LVRN: variants seen among roughly 807,000 people sequenced by gnomAD.
LVRN encodes the protein aminopeptidase Q.
A neutral mutation model predicts 111.4 loss-of-function variants in LVRN; 99 were observed. The observed-to-expected ratio is 0.89, with a 90% CI of 0.76 to 1.05. The LOEUF (loss-of-function observed/expected upper bound fraction) is 1.05, where lower values mean the gene tolerates loss of function less well. LVRN is among the 50% of genes least tolerant of loss of function. The pLI, the probability that LVRN is intolerant of heterozygous loss-of-function variation, is 0.00. For synonymous variants in LVRN, 488 were observed against 449.5 expected (o/e 1.09, Z -1.08); for missense variants, 1,414 against 1,206.8 (o/e 1.17, Z -2.54).
At chr5:116,025,393 CTT>C in intron 19 of LVRN, among the ~76,000 whole-genome samples, 1 of 152,260 alleles carries the variant, frequency 6.6e-6, no homozygotes, top group African/African-American at 2.4e-5. Flanking sequence ...ATTGAAAAAA[CTT>C]ATAACTTATT....
In LVRN at chr5:116,006,264, G is replaced by C. The variant is rs566299805; in HGVS notation, c.2093+297G>C. On this transcript the variant is annotated intron_variant, in intron 13 of 19. Coordinates refer to ENST00000357872, the MANE Select transcript of LVRN (RefSeq NM_173800.5). ...AGAATTATTTATTTTATTTATATTA[G>C]ATTTACTCAGTGTAAGATATGCTGC... Among the ~76,000 whole-genome samples, 55 of 152,040 alleles carry C rather than the reference G, an allele frequency of 3.6e-4. No individual in the cohort carries two copies. The South Asian group carries it at 0.011, about 31-fold the overall frequency.
At chr5:116,005,526 T>G (rs1748343051) in intron 12 of LVRN, among the ~76,000 whole-genome samples, 2 of 152,370 alleles carry the variant, frequency 1.3e-5, no homozygotes, top group African/African-American at 4.8e-5. Flanking sequence ...TAATATTTAT[T>G]TAAGGGCTTC....
At chr5:115,974,350 C>T (rs7712233) in intron 1 of LVRN, among the ~76,000 whole-genome samples, 2 of 151,932 alleles carry the variant, frequency 1.3e-5, no homozygotes, top group Non-Finnish European at 2.9e-5. Context: ...ATAGTAAAAG[C>T]GTAACACCTA....
At chr5:116,002,710 T>C in intron 10 of LVRN, 125 bp from the exon 11 acceptor site, 2 of 679,606 alleles carry the variant, frequency 2.9e-6, no homozygotes, top group Non-Finnish European at 4.9e-6. Context: ...AAGGCCTGCA[T>C]ATCTAGAGAG....
At chr5:116,025,590 A>G (rs1408410132) in intron 19 of LVRN, among the ~76,000 whole-genome samples, 1 of 152,218 alleles carries the variant, frequency 6.6e-6, no homozygotes, top group African/African-American at 2.4e-5. Context: ...TTATGTACCA[A>G]TTTTGAGCTT....
In LVRN at chr5:115,965,600, G is replaced by A. The variant is rs545064405; in HGVS notation, c.695+2288G>A. ...TCATATGGTTTTGTTGTGTCCCCACGCAAATCTCATCTTGAATTGTAGTTC... is the reference window on the plus strand; with the variant it reads ...TCATATGGTTTTGTTGTGTCCCCACACAAATCTCATCTTGAATTGTAGTTC... On this transcript the variant is annotated intron_variant, in intron 1 of 19. Coordinates refer to ENST00000357872, the MANE Select transcript of LVRN (RefSeq NM_173800.5). Among the ~76,000 whole-genome samples, 6 of 152,176 alleles carry A rather than the reference G, an allele frequency of 3.9e-5. No homozygotes were observed. In the South Asian group the frequency reaches 8.3e-4, roughly 21 times the overall value.
chr5:115,992,881 T>G (rs748696086), intron 5 of LVRN, among the ~76,000 whole-genome samples: 1 of 152,230 alleles, frequency 6.6e-6, no homozygotes, highest in Non-Finnish European at 1.5e-5. Context: ...TCTGCACCAT[T>G]AATACAAGTC....
chr5:115,998,187 A>T (rs1376618323), intron 6 of LVRN, among the ~76,000 whole-genome samples: 1 of 152,212 alleles, frequency 6.6e-6, no homozygotes, highest in Non-Finnish European at 1.5e-5. Context: ...CTATGTATTT[A>T]TATATTTTAA....
intron 9 of LVRN, 47 bp from the exon 10 acceptor site, chr5:116,001,020 G>C (rs767897971): frequency 6.5e-7 from 1 of 1,543,890 alleles, no homozygotes; most frequent in East Asian, 2.3e-5. Flanking sequence ...ACTTCAAAAT[G>C]TTTCACGGAT....
At chr5:116,005,838 T>C in intron 12 of LVRN, 74 bp from the exon 13 acceptor site, 1 of 1,257,938 alleles carries the variant, frequency 7.9e-7, no homozygotes, top group East Asian at 2.3e-5. Context: ...AATCTTTAAA[T>C]TGTTGTTATT....
intron 4 of LVRN, among the ~76,000 whole-genome samples, chr5:115,989,831 A>T (rs1490829711): frequency 6.6e-6 from 1 of 152,172 alleles, no homozygotes; most frequent in Admixed American, 6.6e-5. Context: ...TAAGATAAAG[A>T]GTTCCTCTAT....
intron 3 of LVRN, among the ~76,000 whole-genome samples, chr5:115,986,896 C>G (rs547364057): frequency 1.3e-5 from 2 of 152,206 alleles, no homozygotes; most frequent in South Asian, 2.1e-4. Context: ...TTTTGCAGAG[C>G]GTTCTTTCTT....
chr5:115,996,457 T>C (rs1423399656), intron 6 of LVRN, among the ~76,000 whole-genome samples: 1 of 152,226 alleles, frequency 6.6e-6, no homozygotes, highest in East Asian at 1.9e-4. Context: ...TCTTGGCAAC[T>C]GAGGACATTG....
chr5:115,992,053 T>C, intron 4 of LVRN, 70 bp from the exon 5 acceptor site: 1 of 1,435,362 alleles, frequency 7.0e-7, no homozygotes. Context: ...GATTTCATTT[T>C]GAGATATTTA....
intron 9 of LVRN, 85 bp from the exon 10 acceptor site, chr5:116,000,982 G>A (rs77885770): frequency 7.0e-7 from 1 of 1,434,158 alleles, no homozygotes; most frequent in African/African-American, 1.4e-5. Flanking sequence ...GAAGAGAATA[G>A]CTACCGAGTT....
At position 116,003,375 on chromosome 5, in the gene LVRN, C is replaced by A; in HGVS notation, c.2032C>A (p.Pro678Thr). The A allele has an allele frequency of 6.9e-7, 1 of 1,443,044 alleles. No individual in the cohort carries two copies. Among genetic ancestry groups the A allele is most frequent in the South Asian group, 1.3e-5 (1 of 75,098 alleles). 89.4% of individuals were successfully genotyped at this position (1,443,044 alleles called of 1,614,324 possible). ...KKLNQQLEKDPKAIPVIHRLQ... is the reference protein window; with the variant it reads ...KKLNQQLEKDTKAIPVIHRLQ... ...ACTAAATCAACAACTTGAAAAGGATCCTAAGGTAAGGTTACTTTTGATACT... is the reference window on the plus strand; with the variant it reads ...ACTAAATCAACAACTTGAAAAGGATACTAAGGTAAGGTTACTTTTGATACT... Residue 678 changes from proline (P) to threonine (T), a missense_variant, in exon 12 of 20, where the codon CCT (proline) becomes ACT (threonine). Physicochemically the swap from Pro to Thr is conservative, Grantham distance 38. Transcript: ENST00000357872.
chr5:116,010,078 C>A (rs1199551919), intron 13 of LVRN, among the ~76,000 whole-genome samples: 1 of 152,222 alleles, frequency 6.6e-6, no homozygotes, highest in Non-Finnish European at 1.5e-5. Context: ...TCAGCTTCAG[C>A]AACCACCACC....
At chr5:116,022,888 C>T (rs1748761959) in intron 19 of LVRN, among the ~76,000 whole-genome samples, 1 of 152,244 alleles carries the variant, frequency 6.6e-6, no homozygotes, top group South Asian at 2.1e-4. Context: ...CATTTTTGCT[C>T]ACCTCACCAC....
rs762105951 is a variant in LVRN at position 115,963,089 on chromosome 5, G to T, written c.472G>T (p.Val158Leu). Residue 158 changes from valine to leucine, a missense_variant, in exon 1 of 20, where the codon GTG (valine) becomes TTG (leucine). Physicochemically the swap from Val to Leu is conservative, Grantham distance 32. Transcript: ENST00000357872. ...SLFQDCERAE[V>L]RGPLSPGTGN... Reference sequence around the variant, plus strand: ...CTTCCAGGACTGCGAGCGCGCCGAGGTGCGGGGACCCCTTTCCCCGGGCAC... The same window carrying T: ...CTTCCAGGACTGCGAGCGCGCCGAGTTGCGGGGACCCCTTTCCCCGGGCAC... The T allele has an allele frequency of 6.2e-7, 1 of 1,613,638 alleles. No individual in the cohort carries two copies. Among genetic ancestry groups the T allele is most frequent in the Non-Finnish European group, 8.5e-7 (1 of 1,179,956 alleles).
Sources: allele counts gnomAD v4.1 joint callset (sites outside exome capture counted in the v4.1 genomes callset), GRCh38; gene constraint gnomAD v4.1.1; transcripts MANE v1.5; gene names NCBI Gene and HGNC (gene_info 2026-07-23, HGNC 2026-07-21).